Variants in SNRNP40 observed in about 807,000 individuals in gnomAD.
SNRNP40 encodes the protein small nuclear ribonucleoprotein U5 subunit 40, also known as U5 small nuclear ribonucleoprotein 40 kDa protein.
SNRNP40 carries 21 observed loss-of-function variants against 45.8 expected under a neutral mutation model. The observed-to-expected ratio is 0.46, with a 90% confidence interval of 0.32 to 0.66. The LOEUF is 0.66. SNRNP40 is among the 30% of genes least tolerant of loss of function. SNRNP40 has a pLI of 0.03. For missense variants in SNRNP40, 344 were observed against 439.1 expected, an observed-to-expected ratio of 0.78 and a Z score of 1.94; for synonymous variants, 142 against 163.8, an observed-to-expected ratio of 0.87 and a Z score of 1.01.
chr1:31,283,322 G>T (rs1646033547), intron 4 of SNRNP40, among the ~76,000 whole-genome samples: 1 of 152,188 alleles, frequency 6.6e-6, no homozygotes, highest in Admixed American at 6.5e-5. Flanking sequence ...CACTAAACAG[G>T]CCGGGCATGG....
At position 31,261,653 on chromosome 1, in the gene SNRNP40, C is replaced by T. The variant is rs368261682; in HGVS notation, c.921-21G>A. The T allele has an allele frequency of 6.4e-5, 99 of 1,536,126 alleles. No individual in the cohort carries two copies. In the South Asian group the frequency reaches 8.7e-4, roughly 14 times the overall value. On this transcript the variant is annotated intron_variant, in intron 8 of 9. Coordinates refer to ENST00000263694, the MANE Select transcript of SNRNP40 (RefSeq NM_004814.3). Reference sequence around the variant, plus strand: ...CAAACCTGTAAGGTATCATGAAAAGCAAGGGTAAGTCCTCTTAGAGCTGGG... The same window carrying T: ...CAAACCTGTAAGGTATCATGAAAAGTAAGGGTAAGTCCTCTTAGAGCTGGG...
chr1:31,270,517 G>A lies in SNRNP40; in HGVS notation c.775+862C>T, dbSNP rs974607955. Among the ~76,000 whole-genome samples, 3 of 152,138 alleles carry A rather than the reference G, an allele frequency of 2.0e-5. No homozygotes were observed. In the South Asian group the frequency reaches 6.2e-4, roughly 31 times the overall value. ...AGCAGTAGCTATAGCCGTTGTAACT[G>A]AAGCTATACCTATAGTGGAATTTCA... On this transcript the variant is annotated intron_variant, in intron 6 of 9. Coordinates refer to ENST00000263694, the MANE Select transcript of SNRNP40 (RefSeq NM_004814.3).
At position 31,277,853 on chromosome 1, in the gene SNRNP40, C is replaced by T. The variant is rs1316630737; in HGVS notation, c.654+3521G>A. ...GGGATTACAGGCGCATGCCACCATG[C>T]CTGGTTAATTTTTGTATTTTTAGTA... On this transcript the variant is annotated intron_variant, in intron 5 of 9. Coordinates refer to ENST00000263694, the MANE Select transcript of SNRNP40 (RefSeq NM_004814.3). Among the ~76,000 whole-genome samples, 3 of 152,152 alleles carry T rather than the reference C, an allele frequency of 2.0e-5. No individual in the cohort carries two copies. The East Asian group carries it at 5.8e-4, about 29-fold the overall frequency.
intron 5 of SNRNP40, among the ~76,000 whole-genome samples, chr1:31,281,091 T>A (rs1646013580): frequency 6.6e-6 from 1 of 152,198 alleles, no homozygotes; most frequent in Non-Finnish European, 1.5e-5. Flanking sequence ...ATTTTGAATG[T>A]CTTTAAAAGG....
At chr1:31,274,896 T>C (rs1162528279) in intron 5 of SNRNP40, among the ~76,000 whole-genome samples, 1 of 152,164 alleles carries the variant, frequency 6.6e-6, no homozygotes, top group Non-Finnish European at 1.5e-5. Context: ...TTCCCACTCC[T>C]TATTTGTTTC....
chr1:31,284,544 A>G (rs1033785616), intron 4 of SNRNP40, among the ~76,000 whole-genome samples: 4 of 152,236 alleles, frequency 2.6e-5, no homozygotes, highest in African/African-American at 9.7e-5. Context: ...CAATAAATGA[A>G]TGACACACTT....
At chr1:31,265,394 T>C (rs891870188) in intron 8 of SNRNP40, among the ~76,000 whole-genome samples, 1 of 151,952 alleles carries the variant, frequency 6.6e-6, no homozygotes, top group Admixed American at 6.6e-5. Context: ...CCTCTCAGAG[T>C]GTTGGGATTA....
rs1241628107 is a variant in SNRNP40 at position 31,259,688 on chromosome 1, T to C, written c.*384A>G. 2.3e-6 allele frequency: 1 copy of C among 427,098 alleles called. No homozygotes were observed. The highest frequency in any genetic ancestry group is 4.4e-6 in the Non-Finnish European group (1 of 225,708). 26.5% of individuals were successfully genotyped at this position (427,098 alleles called of 1,614,324 possible). ...TCCACATGGCTCTTGTAAAAAGGCA[T>C]CTATTTGGCTTTTAATACAAAATGA... On this transcript the variant is annotated 3_prime_UTR_variant, in exon 10 of 10. Coordinates refer to ENST00000263694, the MANE Select transcript of SNRNP40 (RefSeq NM_004814.3).
At chr1:31,275,546 C>T (rs1239703607) in intron 5 of SNRNP40, among the ~76,000 whole-genome samples, 7 of 152,094 alleles carry the variant, frequency 4.6e-5, no homozygotes, top group Admixed American at 3.3e-4. Context: ...TGTGCCACCA[C>T]GCGCAGCTAA....
intron 5 of SNRNP40, among the ~76,000 whole-genome samples, chr1:31,278,256 G>A (rs772119232): frequency 6.6e-6 from 1 of 152,126 alleles, no homozygotes; most frequent in Non-Finnish European, 1.5e-5. Flanking sequence ...CCCAGGAACA[G>A]TCCAGATAAA....
intron 4 of SNRNP40, among the ~76,000 whole-genome samples, chr1:31,286,927 T>TTA (rs1266039778): frequency 2.0e-5 from 3 of 152,144 alleles, no homozygotes; most frequent in Non-Finnish European, 2.9e-5. Context: ...AAAGGGAAAT[T>TTA]TATATATATA....
chr1:31,265,455 A>G (rs996411578), intron 8 of SNRNP40, among the ~76,000 whole-genome samples: 1 of 152,142 alleles, frequency 6.6e-6, no homozygotes, highest in Non-Finnish European at 1.5e-5. Flanking sequence ...AGTGGAGAGG[A>G]AAAGAGAAAA....
At chr1:31,286,840 C>T (rs1646063095) in intron 4 of SNRNP40, among the ~76,000 whole-genome samples, 1 of 152,172 alleles carries the variant, frequency 6.6e-6, no homozygotes, top group African/African-American at 2.4e-5. Flanking sequence ...TACTCTGGGC[C>T]ACCTTGGCCC....
chr1:31,267,800 G>C, intron 8 of SNRNP40, 71 bp downstream of exon 8: 1 of 1,194,744 alleles, frequency 8.4e-7, no homozygotes, highest in South Asian at 1.2e-5. Context: ...CCAAAGTGCT[G>C]GGATTGCAGG....
At chr1:31,290,374 C>T (rs1314919879) in intron 3 of SNRNP40, among the ~76,000 whole-genome samples, 1 of 152,074 alleles carries the variant, frequency 6.6e-6, no homozygotes. Context: ...TGCTATGTAT[C>T]AATTGATGGA....
intron 3 of SNRNP40, among the ~76,000 whole-genome samples, chr1:31,290,652 C>A (rs867423041): frequency 3.3e-5 from 5 of 151,934 alleles, no homozygotes; most frequent in Non-Finnish European, 7.4e-5. Context: ...CCAAGGCGGG[C>A]GGATCACAAG....
chr1:31,275,244 C>T (rs1645966846), intron 5 of SNRNP40, among the ~76,000 whole-genome samples: 1 of 152,154 alleles, frequency 6.6e-6, no homozygotes, highest in African/African-American at 2.4e-5. Context: ...GTCTACGGTT[C>T]TTTTCAGGTT....
chr1:31,281,636 T>G, intron 4 of SNRNP40, 140 bp from the exon 5 acceptor site: 1 of 647,390 alleles, frequency 1.5e-6, no homozygotes, highest in Non-Finnish European at 2.4e-6. Flanking sequence ...CTCCTGGATA[T>G]CCTAATAACA....
chr1:31,260,227 A>G (rs540244756), intron 9 of SNRNP40, 106 bp from the exon 10 acceptor site: 3 of 712,226 alleles, frequency 4.2e-6, no homozygotes, highest in South Asian at 4.1e-5. Flanking sequence ...GAGCAATTGG[A>G]CTTAGCTTAA....
Sources: gnomAD v4.1 joint callset for allele counts (sites outside exome capture counted in the v4.1 genomes callset) on GRCh38, gnomAD v4.1.1 for gene constraint, MANE v1.5 for transcripts, NCBI Gene and HGNC (gene_info 2026-07-23, HGNC 2026-07-21) for gene names.